Variants in PIK3C2G observed in about 807,000 individuals in gnomAD.
PIK3C2G encodes phosphatidylinositol-4-phosphate 3-kinase catalytic subunit type 2 gamma.
Under a neutral mutation model 181.1 loss-of-function variants are expected in PIK3C2G, and 168 were observed. The observed-to-expected ratio is 0.93, with a 90% confidence interval of 0.82 to 1.05. The LOEUF (loss-of-function observed/expected upper bound fraction) is 1.05. PIK3C2G is among the 50% of genes least tolerant of loss of function. PIK3C2G has a pLI of 0.00. For synonymous variants in PIK3C2G, 573 were observed against 592.2 expected (o/e 0.97, Z 0.47); for missense variants, 1,869 against 1,732.8 (o/e 1.08, Z -1.40).
At chr12:18,713,129 G>A in the PIK3C2G span, 1 of 1,105,642 alleles carries the variant, frequency 9.0e-7, no homozygotes, top group Non-Finnish European at 1.3e-6. Context: ...TTGTCTTTGG[G>A]ACAAGTTTTG....
chr12:18,324,835 T>G (rs1951263915), intron 7 of PIK3C2G, among the ~76,000 whole-genome samples, 200 bp from the exon 8 acceptor site: 1 of 152,236 alleles, frequency 6.6e-6, no homozygotes, highest in Admixed American at 6.5e-5. Context: ...CTTTCAGATA[T>G]GTTTGTAGTC....
the PIK3C2G span, chr12:18,713,734 T>C: frequency 6.6e-6 from 1 of 152,328 alleles, no homozygotes; most frequent in South Asian, 2.1e-4. Context: ...ATGACCTGCT[T>C]ACCTCAGAAT....
intron 31 of PIK3C2G, among the ~76,000 whole-genome samples, chr12:18,631,670 T>C (rs1949357339): frequency 6.6e-6 from 1 of 152,126 alleles, no homozygotes; most frequent in Admixed American, 6.5e-5. Flanking sequence ...TAAAGATATG[T>C]GGTGGCAGAT....
chr12:18,351,107 ATCC>A (rs1940175672), intron 11 of PIK3C2G, among the ~76,000 whole-genome samples: 1 of 151,986 alleles, frequency 6.6e-6, no homozygotes, highest in Non-Finnish European at 1.5e-5. Context: ...TAAAGATCTC[ATCC>A]ACTTTCTGAG....
intron 10 of PIK3C2G, among the ~76,000 whole-genome samples, chr12:18,345,538 G>T (rs1251925575): frequency 6.6e-6 from 1 of 152,120 alleles, no homozygotes; most frequent in Admixed American, 6.5e-5. Flanking sequence ...GGATGTGGGA[G>T]GAAGCTCCAT....
chr12:18,331,632 A>T (rs1175254452), intron 8 of PIK3C2G, among the ~76,000 whole-genome samples: 1 of 151,998 alleles, frequency 6.6e-6, no homozygotes, highest in South Asian at 2.1e-4. Context: ...TCTTTAGTCT[A>T]TAGCCCTCTT....
chr12:18,652,528 T>G (rs915350499), downstream of PIK3C2G, among the ~76,000 whole-genome samples: 24 of 152,184 alleles, frequency 1.6e-4, no homozygotes, highest in African/African-American at 5.8e-4. Context: ...CTTAAGCCAC[T>G]TGGTGTGTGA....
chr12:18,571,591 G>T (rs918934167), intron 29 of PIK3C2G, among the ~76,000 whole-genome samples: 1 of 150,660 alleles, frequency 6.6e-6, no homozygotes, highest in Non-Finnish European at 1.5e-5. Context: ...TTTCACTAAC[G>T]TTCACGTGTC....
chr12:18,313,999 G>A lies in PIK3C2G; in HGVS notation c.1072G>A (p.Asp358Asn), dbSNP rs763997688. 6.9e-6 allele frequency: 11 copies of A among 1,591,866 alleles called. No individual in the cohort carries two copies. Among genetic ancestry groups the A allele is most frequent in the Non-Finnish European group, 7.7e-6 (9 of 1,168,110 alleles). ...CLGSHKMFQK[D>N]KSVIQLHLQK... Reference sequence around the variant, plus strand: ...GGGGAGCCACAAAATGTTTCAAAAAGATAAATCTGTTATTCAGCTCCACCT... The same window carrying A: ...GGGGAGCCACAAAATGTTTCAAAAAAATAAATCTGTTATTCAGCTCCACCT... Residue 358 changes from aspartate (D) to asparagine (N), a missense_variant, in exon 6 of 33, where the codon GAT (aspartate) becomes AAT (asparagine). By Grantham distance (23) the Asp-to-Asn change is conservative. Transcript: ENST00000538779.
chr12:18,643,667 C>T (rs1181382012), intron 32 of PIK3C2G, among the ~76,000 whole-genome samples: 1 of 151,642 alleles, frequency 6.6e-6, no homozygotes, highest in African/African-American at 2.4e-5. Context: ...TGTAGGATCC[C>T]ATCTTTGTGT....
intron 8 of PIK3C2G, among the ~76,000 whole-genome samples, chr12:18,337,461 T>A (rs1249963137): frequency 1.3e-5 from 2 of 151,980 alleles, no homozygotes; most frequent in Non-Finnish European, 2.9e-5. Flanking sequence ...AATACCTGAG[T>A]CTGAGTAATT....
At chr12:18,364,395 T>A (rs1941489475) in intron 12 of PIK3C2G, among the ~76,000 whole-genome samples, 1 of 152,228 alleles carries the variant, frequency 6.6e-6, no homozygotes, top group Admixed American at 6.5e-5. Context: ...AAATTGTTCA[T>A]CTTTTCTTCC....
the PIK3C2G span, among the ~76,000 whole-genome samples, chr12:18,702,863 C>G: frequency 2.0e-5 from 3 of 146,974 alleles, no homozygotes; most frequent in African/African-American, 7.8e-5. Context: ...CTCTGTCACC[C>G]AGGATGGAGT....
intron 29 of PIK3C2G, among the ~76,000 whole-genome samples, chr12:18,581,415 C>A (rs568060137): frequency 4.5e-4 from 68 of 152,250 alleles, no homozygotes; most frequent in African/African-American, 1.4e-3. Context: ...AACTTTAGAT[C>A]CCCTAAGAAA....
the PIK3C2G span, among the ~76,000 whole-genome samples, chr12:18,698,252 A>G: frequency 6.6e-6 from 1 of 150,716 alleles, no homozygotes; most frequent in Non-Finnish European, 1.5e-5. Context: ...CTTCTATTCT[A>G]TTCTATTCTA....
Position 18,282,747 on chromosome 12 carries a change from G to A in PIK3C2G, c.666G>A (p.Gln222=). Residue 222 remains glutamine, a synonymous_variant, in exon 2 of 33, where the codon CAG becomes CAA. Coordinates refer to ENST00000538779, the MANE Select transcript of PIK3C2G (RefSeq NM_001288772.2). ...CCGGAATGTGGGAAAGTACATGGCAGAAGAATATAGAGGTAAGTATAATAC... is the reference window on the plus strand; with the variant it reads ...CCGGAATGTGGGAAAGTACATGGCAAAAGAATATAGAGGTAAGTATAATAC... The part of the protein sequence containing the change: ...LQPGMWESTW[Q]KNIESIGCSI... 6.3e-7 allele frequency: 1 copy of A among 1,592,746 alleles called. No homozygotes were observed. Among genetic ancestry groups the A allele is most frequent in the Non-Finnish European group, 8.6e-7 (1 of 1,168,882 alleles).
the PIK3C2G span, among the ~76,000 whole-genome samples, chr12:18,712,108 G>A: frequency 6.6e-6 from 1 of 152,078 alleles, no homozygotes; most frequent in Non-Finnish European, 1.5e-5. Context: ...TTAGTACGTA[G>A]TAAGAATTCT....
chr12:18,417,827 CA>C (rs1013514895), intron 16 of PIK3C2G, among the ~76,000 whole-genome samples: 29 of 151,790 alleles, frequency 1.9e-4, no homozygotes, highest in African/African-American at 6.8e-4. Context: ...ACCAAACCTG[CA>C]ATATCTCTGA....
At chr12:18,598,221 A>G (rs1489623242) in intron 30 of PIK3C2G, among the ~76,000 whole-genome samples, 1 of 151,910 alleles carries the variant, frequency 6.6e-6, no homozygotes, top group Non-Finnish European at 1.5e-5. Context: ...ACAAAGCTGG[A>G]GGCATCACAC....
Sources: allele counts gnomAD v4.1 joint callset (sites outside exome capture counted in the v4.1 genomes callset), GRCh38; gene constraint gnomAD v4.1.1; transcripts MANE v1.5; gene names NCBI Gene and HGNC (gene_info 2026-07-23, HGNC 2026-07-21).